Variants in CLUAP1 observed in about 807,000 individuals in gnomAD.
CLUAP1 encodes clusterin-associated protein 1.
In CLUAP1, 50 loss-of-function variants were observed where a neutral mutation model predicts 55.0. That is an observed-to-expected ratio of 0.91 (90% CI 0.72 to 1.15). The LOEUF is 1.15. CLUAP1 is among the 50% of genes most tolerant of loss of function. CLUAP1 has a pLI of 0.00. For synonymous variants in CLUAP1, 195 were observed against 175.4 expected (o/e 1.11, Z -0.88); for missense variants, 530 against 507.6 (o/e 1.04, Z -0.42).
intron 8 of CLUAP1, 31 bp from the exon 9 acceptor site, chr16:3,526,379 ATC>A (rs1326197324): frequency 6.6e-7 from 1 of 1,507,158 alleles, no homozygotes; most frequent in African/African-American, 1.4e-5. Flanking sequence ...GAAAAGGGCC[ATC>A]TCTCCTGAGT....
intron 4 of CLUAP1, among the ~76,000 whole-genome samples, chr16:3,511,270 G>A (rs2037619995): frequency 6.6e-6 from 1 of 152,158 alleles, no homozygotes; most frequent in African/African-American, 2.4e-5. Context: ...GAGAGGGAGA[G>A]TGAGCAGAGC....
chr16:3,495,583 A>T, the CLUAP1 span: 1 of 1,431,332 alleles, frequency 7.0e-7, no homozygotes, highest in Non-Finnish European at 9.3e-7. Context: ...TTGGGAGAGG[A>T]CAGTGCCCAA....
At chr16:3,506,286 T>C in intron 2 of CLUAP1, 45 bp from the exon 3 acceptor site, 1 of 1,489,828 alleles carries the variant, frequency 6.7e-7, no homozygotes, top group Non-Finnish European at 9.4e-7. Flanking sequence ...TAGTAGACTT[T>C]CTCCTTGGTT....
intron 4 of CLUAP1, 41 bp downstream of exon 4, chr16:3,508,509 G>C (rs767022621): frequency 6.7e-7 from 1 of 1,488,214 alleles, no homozygotes; most frequent in Non-Finnish European, 8.9e-7. Context: ...ATGGAGCGTT[G>C]ATTTCTTGAG....
rs761903645 is a variant in CLUAP1 at position 3,527,673 on chromosome 16, A to G, written c.928+1189A>G. ...CCGGTGATACTGTGCTTCAGTGGTC[A>G]TGCTCCTAGTCTGCCTTCATGTTCT... On this transcript the variant is annotated intron_variant, in intron 9 of 11. Coordinates refer to ENST00000576634, the MANE Select transcript of CLUAP1 (RefSeq NM_015041.3). Among the ~76,000 whole-genome samples the G allele has an allele frequency of 2.6e-5, 4 of 152,238 alleles. No individual in the cohort carries two copies. In the Middle Eastern group the frequency reaches 0.01, roughly 388 times the overall value.
At chr16:3,522,747 A>G (rs1372640943) in intron 7 of CLUAP1, among the ~76,000 whole-genome samples, 2 of 152,142 alleles carry the variant, frequency 1.3e-5, no homozygotes, top group African/African-American at 4.8e-5. Context: ...AGATTACGGT[A>G]TATTGAAATG....
chr16:3,532,721 G>T (rs751450820), intron 10 of CLUAP1, 65 bp from the exon 11 acceptor site: 1 of 1,551,838 alleles, frequency 6.4e-7, no homozygotes, highest in Non-Finnish European at 8.9e-7. Flanking sequence ...AACAAATCTT[G>T]AATGCTATTT....
chr16:3,514,657 C>A (rs2037696657), intron 5 of CLUAP1, among the ~76,000 whole-genome samples: 1 of 152,218 alleles, frequency 6.6e-6, no homozygotes, highest in South Asian at 2.1e-4. Context: ...GATGAAAGCA[C>A]TAGCAGCTTC....
At chr16:3,495,445 A>G in the CLUAP1 span, 2 of 1,606,850 alleles carry the variant, frequency 1.2e-6, 1 homozygote, top group South Asian at 2.2e-5. Context: ...GGTGGGGAGG[A>G]GCAACCAGGA....
intron 6 of CLUAP1, among the ~76,000 whole-genome samples, chr16:3,516,361 T>C (rs1035829364): frequency 3.3e-5 from 5 of 152,182 alleles, no homozygotes; most frequent in Admixed American, 2.6e-4. Context: ...TTTAAAAATA[T>C]GTAATTCTTT....
At chr16:3,509,219 C>T (rs952173551) in intron 4 of CLUAP1, among the ~76,000 whole-genome samples, 2 of 152,128 alleles carry the variant, frequency 1.3e-5, no homozygotes, top group Non-Finnish European at 2.9e-5. Context: ...ACTGCGCTCC[C>T]GCCTAGGCAA....
rs1318653651 is a variant in CLUAP1 at position 3,508,441 on chromosome 16, C to G, written c.372C>G (p.Asn124Lys). The G allele has an allele frequency of 3.2e-6, 5 of 1,579,360 alleles. No individual in the cohort carries two copies. Among genetic ancestry groups the G allele is most frequent in the East Asian group, 2.3e-5 (1 of 43,102 alleles). ...CTGAAATAGTAGAGGAAGATGTCAACAAGTTCAAGTTTGATCTTGGCTCAA... is the reference window on the plus strand; with the variant it reads ...CTGAAATAGTAGAGGAAGATGTCAAGAAGTTCAAGTTTGATCTTGGCTCAA... ...EGSEIVEEDV[N>K]KFKFDLGSKI... The change falls in exon 4 of 12, where the codon AAC becomes AAG. Residue 124 changes from asparagine to lysine, a missense_variant. By Grantham distance (94) the Asn-to-Lys change is moderately conservative. Transcript: ENST00000576634.
At chr16:3,500,288 C>T (rs2037362842), upstream of CLUAP1, among the ~76,000 whole-genome samples, 1 of 152,214 alleles carries the variant, frequency 6.6e-6, no homozygotes, top group Admixed American at 6.5e-5. Context: ...TGATCCCGTC[C>T]TCCGCTCGGC....
chr16:3,530,745 G>A, intron 10 of CLUAP1, 70 bp downstream of exon 10: 3 of 1,247,730 alleles, frequency 2.4e-6, no homozygotes, highest in South Asian at 1.2e-5. Flanking sequence ...CAGGACTGGG[G>A]CAGGCTGCTT....
intron 8 of CLUAP1, among the ~76,000 whole-genome samples, chr16:3,525,447 C>G (rs1375892171): frequency 6.6e-6 from 1 of 152,078 alleles, no homozygotes; most frequent in Non-Finnish European, 1.5e-5. Flanking sequence ...AATACCTGTT[C>G]CCTCGAAATA....
At chr16:3,533,307 G>A (rs901453721) in intron 11 of CLUAP1, 20 of 652,384 alleles carry the variant, frequency 3.1e-5, no homozygotes, top group Admixed American at 5.3e-5. Context: ...ATCACTGAAG[G>A]CCCCTGTGCT....
At chr16:3,512,972 G>A (rs559872384) in intron 5 of CLUAP1, among the ~76,000 whole-genome samples, 11 of 152,138 alleles carry the variant, frequency 7.2e-5, no homozygotes, top group Non-Finnish European at 1.0e-4. Context: ...GAGCCACCGC[G>A]CCCGGCACTG....
chr16:3,535,848 A>C, intron 11 of CLUAP1: 1 of 429,122 alleles, frequency 2.3e-6, no homozygotes, highest in Non-Finnish European at 4.2e-6. Flanking sequence ...GCGCAGATGC[A>C]GAGTGCTTCT....
Position 3,529,541 on chromosome 16 carries a change from TTATTATA to T in CLUAP1, c.929-1013_929-1007del, listed in dbSNP as rs1190907527. ...ATTATATATTATTATATGTTATATATTATTATATATTATATATTATTATATATTATAT... is the reference window on the plus strand; with the variant it reads ...ATTATATATTATTATATGTTATATATTATTATATATTATTATATATTATAT... On this transcript the variant is annotated intron_variant, in intron 9 of 11. Coordinates refer to ENST00000576634, the MANE Select transcript of CLUAP1 (RefSeq NM_015041.3). Among the ~76,000 whole-genome samples, 9 of 49,430 alleles carry T rather than the reference TTATTATA, an allele frequency of 1.8e-4. No individual in the cohort carries two copies. In the East Asian group the frequency reaches 3.3e-3, roughly 18 times the overall value. The allele number at this position is 49,430 out of a possible 152,430, so 32.4% of individuals were successfully genotyped here.
Sources: allele counts gnomAD v4.1 joint callset (sites outside exome capture counted in the v4.1 genomes callset), GRCh38; gene constraint gnomAD v4.1.1; transcripts MANE v1.5; gene names NCBI Gene and HGNC (gene_info 2026-07-23, HGNC 2026-07-21).